The following GPC4 variants were observed in gnomAD, a reference collection of about 807,000 sequenced individuals.
GPC4 encodes glypican 4, also known as glypican-4.
In GPC4, 10 loss-of-function variants were observed where a neutral mutation model predicts 35.0. The ratio of observed to expected loss-of-function variants is 0.29; its 90% CI spans 0.18 to 0.48. The LOEUF (loss-of-function observed/expected upper bound fraction) is 0.48. Ranked by LOEUF, GPC4 falls within the 20% of genes least tolerant of loss-of-function variation. The pLI is 0.99. For synonymous variants in GPC4, 167 were observed against 170.2 expected (o/e 0.98, Z 0.15); for missense variants, 322 against 451.3 (o/e 0.71, Z 2.60).
intron 1 of GPC4, among the ~76,000 whole-genome samples, chrX:133,341,842 C>T (rs768921412): frequency 9.1e-6 from 1 of 109,816 alleles, no homozygotes; most frequent in South Asian, 4.0e-4. Context: ...CCTTCAAAAA[C>T]GGGTAGCAGC....
chrX:133,388,345 G>A (rs1349306456), intron 1 of GPC4, among the ~76,000 whole-genome samples: 1 of 112,075 alleles, frequency 8.9e-6, no homozygotes, highest in Non-Finnish European at 1.9e-5. Flanking sequence ...CCTTGGAATA[G>A]GCTTCTGGAC....
At position 133,304,050 on chromosome X, in the gene GPC4, T is replaced by C. The variant is rs2068280359; in HGVS notation, c.1292+675A>G. On this transcript the variant is annotated intron_variant, in intron 7 of 8. Coordinates refer to ENST00000370828, the MANE Select transcript of GPC4 (RefSeq NM_001448.3). The stretch of plus-strand genomic sequence containing the variant: ...GGCTCACACCTGTAATCCCAGCACT[T>C]TGGGAGGCTGAGGCAGGCGGATCAC... 2.8e-5 allele frequency among the ~76,000 whole-genome samples: 3 copies of C among 108,321 alleles called. No individual in the cohort carries two copies. In the South Asian group the frequency reaches 1.2e-3, roughly 45 times the overall value. 94.1% of individuals were successfully genotyped at this position (108,321 alleles called of 115,157 possible). A position where few individuals can be genotyped will look rare whatever the true frequency, so the allele number is the denominator to read the frequency against.
At chrX:133,329,917 T>C (rs1277297488) in intron 2 of GPC4, among the ~76,000 whole-genome samples, 4 of 111,825 alleles carry the variant, frequency 3.6e-5, no homozygotes, top group Non-Finnish European at 5.6e-5. Context: ...AAGAACACCA[T>C]GTACTTCTGG....
At chrX:133,305,465 C>T (rs1363354223) in intron 6 of GPC4, among the ~76,000 whole-genome samples, 1 of 112,184 alleles carries the variant, frequency 8.9e-6, no homozygotes, top group African/African-American at 3.2e-5. Flanking sequence ...CAAGGATCTG[C>T]CTTATTTCTC....
In GPC4 at chrX:133,324,729, T is replaced by C. The variant is rs763217285; in HGVS notation, c.320-193A>G. Reference sequence around the variant, plus strand: ...TCATTTGCCAATGAAAGGAAAGCTGTGTCACAAAGTCACTTACATAGGTGT... The same window carrying C: ...TCATTTGCCAATGAAAGGAAAGCTGCGTCACAAAGTCACTTACATAGGTGT... On this transcript the variant is annotated intron_variant, in intron 2 of 8. Transcript: ENST00000370828. Among the ~76,000 whole-genome samples, 12 of 111,539 alleles carry C rather than the reference T, an allele frequency of 1.1e-4. No homozygotes were observed. In the South Asian group the frequency reaches 4.6e-3, roughly 42 times the overall value.
In GPC4 at chrX:133,302,772, C is replaced by T; in HGVS notation, c.*95G>A. Reference sequence around the variant, plus strand: ...ATAGTAAAAACTGTACATTGTTGTCCATTCATTTAAAAAGCAAAGTCACTA... The same window carrying T: ...ATAGTAAAAACTGTACATTGTTGTCTATTCATTTAAAAAGCAAAGTCACTA... On this transcript the variant is annotated 3_prime_UTR_variant, in exon 9 of 9. Coordinates refer to ENST00000370828, the MANE Select transcript of GPC4 (RefSeq NM_001448.3). 2 of 798,155 alleles carry T rather than the reference C, an allele frequency of 2.5e-6. No individual in the cohort carries two copies. Among genetic ancestry groups the T allele is most frequent in the Non-Finnish European group, 1.8e-6 (1 of 543,465 alleles). The allele number at this position is 798,155 out of a possible 1,213,427, so 65.8% of individuals were successfully genotyped here.
intron 1 of GPC4, among the ~76,000 whole-genome samples, chrX:133,389,793 C>T (rs887939362): frequency 1.8e-5 from 2 of 111,759 alleles, no homozygotes; most frequent in Non-Finnish European, 1.9e-5. Flanking sequence ...TGGGTACATA[C>T]TGCTGTTGGA....
intron 1 of GPC4, among the ~76,000 whole-genome samples, chrX:133,387,890 A>G (rs1158581618): frequency 8.9e-6 from 1 of 111,926 alleles, no homozygotes; most frequent in Non-Finnish European, 1.9e-5. Flanking sequence ...AACATTAAGT[A>G]TCCATCCAGC....
At chrX:133,404,226 C>A (rs1490785844) in intron 1 of GPC4, among the ~76,000 whole-genome samples, 1 of 110,972 alleles carries the variant, frequency 9.0e-6, no homozygotes, top group East Asian at 2.9e-4. Flanking sequence ...CTAAGTTGAA[C>A]CTAGATGTTC....
Position 133,302,678 on chromosome X carries a change from T to C in GPC4, c.*189A>G, listed in dbSNP as rs1191574578. On this transcript the variant is annotated 3_prime_UTR_variant, in exon 9 of 9. Transcript: ENST00000370828. ...TTTGGGGGAGCAGGAACCAACTCAA[T>C]GCACAGTCCCTTTTCCTCCCAAAAC... 2.2e-6 allele frequency: 1 copy of C among 444,933 alleles called. No homozygotes were observed. Among genetic ancestry groups the C allele is most frequent in the African/African-American group, 2.5e-5 (1 of 40,691 alleles). The allele number at this position is 444,933 out of a possible 1,213,427, so 36.7% of individuals were successfully genotyped here.
At chrX:133,373,077 G>A (rs1020279528) in intron 1 of GPC4, among the ~76,000 whole-genome samples, 1 of 111,936 alleles carries the variant, frequency 8.9e-6, no homozygotes, top group African/African-American at 3.3e-5. Flanking sequence ...CCTACCAGAT[G>A]TTCATCCTCA....
At position 133,309,781 on chromosome X, in the gene GPC4, G is replaced by C. The variant is rs769426011; in HGVS notation, c.877+1477C>G. Among the ~76,000 whole-genome samples, 3 of 112,508 alleles carry C rather than the reference G, an allele frequency of 2.7e-5. No homozygotes were observed. In the East Asian group the frequency reaches 8.4e-4, roughly 32 times the overall value. Reference sequence around the variant, plus strand: ...GTGGGGATGAGTGTGGGATTAAAGAGAGAGAGAGAAAACAAAAACAGCGAC... The same window carrying C: ...GTGGGGATGAGTGTGGGATTAAAGACAGAGAGAGAAAACAAAAACAGCGAC... On this transcript the variant is annotated intron_variant, in intron 4 of 8. Coordinates refer to ENST00000370828, the MANE Select transcript of GPC4 (RefSeq NM_001448.3).
At chrX:133,412,695 G>A (rs764611000) in intron 1 of GPC4, among the ~76,000 whole-genome samples, 2 of 111,966 alleles carry the variant, frequency 1.8e-5, no homozygotes, top group Non-Finnish European at 3.8e-5. Context: ...GGAATGTCCA[G>A]ATAGACATAT....
At chrX:133,412,266 C>T (rs1025573031) in intron 1 of GPC4, among the ~76,000 whole-genome samples, 1 of 112,107 alleles carries the variant, frequency 8.9e-6, no homozygotes. Flanking sequence ...CTAATGTATG[C>T]ATCTGGAGAG....
chrX:133,396,981 C>A (rs1268049617), intron 1 of GPC4, among the ~76,000 whole-genome samples: 9 of 111,650 alleles, frequency 8.1e-5, no homozygotes, highest in African/African-American at 2.0e-4. Context: ...CATTACAGAC[C>A]CAGCAGAGAG....
intron 3 of GPC4, among the ~76,000 whole-genome samples, chrX:133,317,065 C>A: frequency 9.0e-6 from 1 of 111,596 alleles, no homozygotes; most frequent in Admixed American, 9.5e-5. Context: ...CTGAGTACTT[C>A]CATATTAACT....
intron 2 of GPC4, among the ~76,000 whole-genome samples, chrX:133,330,313 C>A (rs2068413316): frequency 9.0e-6 from 1 of 111,081 alleles, no homozygotes; most frequent in East Asian, 2.8e-4. Context: ...CAAATCATAC[C>A]TTTCAAACTT....
At chrX:133,329,949 G>A (rs761440999) in intron 2 of GPC4, among the ~76,000 whole-genome samples, 7 of 111,720 alleles carry the variant, frequency 6.3e-5, no homozygotes, top group African/African-American at 2.3e-4. Flanking sequence ...CCAGCTACTT[G>A]TCTTGCATCA....
chrX:133,367,566 G>A (rs2068595218), intron 1 of GPC4, among the ~76,000 whole-genome samples: 1 of 112,393 alleles, frequency 8.9e-6, no homozygotes, highest in Admixed American at 9.4e-5. Flanking sequence ...GAAAGAAGGT[G>A]CCACTAACAA....
Sources: gnomAD v4.1 joint callset for allele counts (sites outside exome capture counted in the v4.1 genomes callset) on GRCh38, gnomAD v4.1.1 for gene constraint, MANE v1.5 for transcripts, NCBI Gene and HGNC (gene_info 2026-07-23, HGNC 2026-07-21) for gene names.